Variants in SDHB observed in about 807,000 individuals in gnomAD.
SDHB encodes the protein succinate dehydrogenase complex iron sulfur subunit B, also known as succinate dehydrogenase [ubiquinone] iron-sulfur subunit, mitochondrial.
SDHB carries 21 observed loss-of-function variants against 39.7 expected under a neutral mutation model. That is an observed-to-expected ratio of 0.53 (90% CI 0.37 to 0.76). SDHB has a LOEUF of 0.76. SDHB is among the 30% of genes least tolerant of loss of function. The pLI is 0.00. For missense variants in SDHB, 343 were observed against 350.9 expected (o/e 0.98, Z 0.18); for synonymous variants, 118 against 117.0 (o/e 1.01, Z -0.06).
intron 1 of SDHB, among the ~76,000 whole-genome samples, chr1:17,048,909 C>G (rs1006037370): frequency 2.0e-5 from 3 of 152,114 alleles, no homozygotes; most frequent in Non-Finnish European, 4.4e-5. Context: ...CGGGGTTTCA[C>G]CATGTTGGCC....
At chr1:17,038,412 C>T (rs1218240050) in intron 2 of SDHB, among the ~76,000 whole-genome samples, 1 of 152,234 alleles carries the variant, frequency 6.6e-6, no homozygotes, top group East Asian at 1.9e-4. Context: ...GCATATTGAC[C>T]TTACATCCTG....
At chr1:17,051,702 G>A (rs1231131028) in intron 1 of SDHB, among the ~76,000 whole-genome samples, 1 of 151,692 alleles carries the variant, frequency 6.6e-6, no homozygotes. Context: ...CCGGGGGAGG[G>A]GGGGTCAAGT....
intron 1 of SDHB, among the ~76,000 whole-genome samples, chr1:17,051,051 G>C (rs1192519546): frequency 6.6e-6 from 1 of 152,210 alleles, no homozygotes; most frequent in East Asian, 1.9e-4. Context: ...ATTATAACCA[G>C]TGGTGAAAAC....
chr1:17,043,861 G>A (rs1442931425), intron 2 of SDHB, among the ~76,000 whole-genome samples: 1 of 152,196 alleles, frequency 6.6e-6, no homozygotes, highest in Non-Finnish European at 1.5e-5. Flanking sequence ...ACAAGGAACT[G>A]CATTCCACCA....
At chr1:17,038,045 A>G (rs2078059796) in intron 2 of SDHB, among the ~76,000 whole-genome samples, 1 of 152,192 alleles carries the variant, frequency 6.6e-6, no homozygotes, top group Non-Finnish European at 1.5e-5. Flanking sequence ...AAGCTGAGAC[A>G]GGAGAATTGC....
chr1:17,021,433 C>A (rs1337192009), intron 7 of SDHB, among the ~76,000 whole-genome samples: 3 of 150,498 alleles, frequency 2.0e-5, no homozygotes, highest in Admixed American at 6.6e-5. Context: ...CACAGTGAGA[C>A]CCTGTCTTTT....
intron 2 of SDHB, among the ~76,000 whole-genome samples, chr1:17,040,886 T>C (rs1283810416): frequency 2.6e-5 from 4 of 152,154 alleles, no homozygotes; most frequent in Non-Finnish European, 5.9e-5. Flanking sequence ...TCCCAGCACT[T>C]TGGGAGGCCG....
At chr1:17,028,997 C>T (rs910920924) in intron 3 of SDHB, among the ~76,000 whole-genome samples, 3 of 151,004 alleles carry the variant, frequency 2.0e-5, no homozygotes, top group South Asian at 2.1e-4. Context: ...AAGTATGGCA[C>T]TGGAGGAGGC....
intron 3 of SDHB, chr1:17,032,670 AG>A: frequency 3.1e-6 from 1 of 320,926 alleles, no homozygotes; most frequent in South Asian, 2.8e-5. Flanking sequence ...CTGGGAGCTG[AG>A]GGAGACTCAC....
At chr1:17,048,135 C>T (rs2078123985) in intron 1 of SDHB, among the ~76,000 whole-genome samples, 1 of 152,194 alleles carries the variant, frequency 6.6e-6, no homozygotes, top group Admixed American at 6.6e-5. Flanking sequence ...CCACTTCCTC[C>T]CACCCTACCT....
chr1:17,037,684 T>A (rs1419754644), intron 2 of SDHB, among the ~76,000 whole-genome samples: 1 of 152,210 alleles, frequency 6.6e-6, no homozygotes, highest in Non-Finnish European at 1.5e-5. Flanking sequence ...CTTGAACTCC[T>A]GGACTCAAGT....
chr1:17,026,131 G>A (rs975579754), intron 5 of SDHB, among the ~76,000 whole-genome samples: 3 of 152,182 alleles, frequency 2.0e-5, no homozygotes, highest in African/African-American at 7.2e-5. Flanking sequence ...CACTAGCTAC[G>A]CACCAGCCTT....
chr1:17,037,928 G>A (rs2078059144), intron 2 of SDHB, among the ~76,000 whole-genome samples: 1 of 152,176 alleles, frequency 6.6e-6, no homozygotes, highest in Non-Finnish European at 1.5e-5. Flanking sequence ...CCTGAGGTCA[G>A]GAGTTCGAGA....
chr1:17,051,837 T>C (rs544437881), intron 1 of SDHB, among the ~76,000 whole-genome samples: 20 of 151,262 alleles, frequency 1.3e-4, no homozygotes, highest in African/African-American at 4.6e-4. Context: ...ATGCACATTT[T>C]TTAAATTTTT....
intron 5 of SDHB, among the ~76,000 whole-genome samples, chr1:17,025,593 A>G (rs766544858): frequency 4.6e-5 from 7 of 152,104 alleles, no homozygotes; most frequent in Non-Finnish European, 7.4e-5. Context: ...AAGTTTTTGT[A>G]GAGACAGGGT....
At chr1:17,044,201 G>T (rs190623528) in intron 2 of SDHB, among the ~76,000 whole-genome samples, 2 of 152,066 alleles carry the variant, frequency 1.3e-5, no homozygotes, top group African/African-American at 4.8e-5. Flanking sequence ...TAAAAAAATG[G>T]TAATATATTA....
intron 6 of SDHB, chr1:17,023,225 G>A (rs2077972614): frequency 3.7e-6 from 1 of 271,312 alleles, no homozygotes; most frequent in Non-Finnish European, 7.2e-6. Flanking sequence ...AGGCTGAAAC[G>A]AGTTAATCAC....
chr1:17,029,695 G>A (rs2078012537), intron 3 of SDHB, among the ~76,000 whole-genome samples: 1 of 152,204 alleles, frequency 6.6e-6, no homozygotes, highest in Admixed American at 6.5e-5. Flanking sequence ...AGGTTGAAGT[G>A]ACCTGGATAC....
At chr1:17,032,890 A>G (rs1020674268) in intron 3 of SDHB, 170 bp downstream of exon 3, 2 of 679,276 alleles carry the variant, frequency 2.9e-6, no homozygotes, top group South Asian at 1.6e-5. Flanking sequence ...AACTTGCACC[A>G]TGGTTAGAAT....
Sources: gnomAD v4.1 joint callset for allele counts (sites outside exome capture counted in the v4.1 genomes callset) on GRCh38, gnomAD v4.1.1 for gene constraint, MANE v1.5 for transcripts, NCBI Gene and HGNC (gene_info 2026-07-23, HGNC 2026-07-21) for gene names.